The following SLCO3A1 variants were observed in gnomAD, a reference collection of about 807,000 sequenced individuals.
SLCO3A1 encodes PGE1 transporter.
Under a neutral mutation model 63.1 loss-of-function variants are expected in SLCO3A1, and 27 were observed. The observed-to-expected ratio is 0.43, with a 90% CI of 0.32 to 0.59. The LOEUF is 0.59. SLCO3A1 is among the 20% of genes least tolerant of loss of function. SLCO3A1 has a pLI of 0.09. For synonymous variants in SLCO3A1, 473 were observed against 409.9 expected (o/e 1.15, Z -1.86); for missense variants, 773 against 945.8 (o/e 0.82, Z 2.40).
intron 2 of SLCO3A1, among the ~76,000 whole-genome samples, chr15:92,001,597 C>T (rs568024097): frequency 1.3e-5 from 2 of 152,128 alleles, no homozygotes; most frequent in African/African-American, 4.8e-5. Flanking sequence ...GTCTCACATG[C>T]CCCCCCACCC....
Position 91,978,971 on chromosome 15 carries a change from A to G in SLCO3A1, c.646+62513A>G, listed in dbSNP as rs571195466. Among the ~76,000 whole-genome samples the G allele has an allele frequency of 3.9e-5, 6 of 152,354 alleles. No individual in the cohort carries two copies. The South Asian group carries it at 1.2e-3, about 32-fold the overall frequency. The stretch of plus-strand genomic sequence containing the variant: ...ACCCTATTTTGGCCTGTGTTCTGGC[A>G]CTGATTGATTACTAAAATTGGTTTG... On this transcript the variant is annotated intron_variant, in intron 2 of 9. Coordinates refer to ENST00000318445, the MANE Select transcript of SLCO3A1 (RefSeq NM_013272.4).
chr15:92,079,717 G>A (rs2047320042), intron 2 of SLCO3A1, among the ~76,000 whole-genome samples: 1 of 152,256 alleles, frequency 6.6e-6, no homozygotes, highest in Non-Finnish European at 1.5e-5. Context: ...TGACTGCCCT[G>A]TTTTCCAGAT....
intron 3 of SLCO3A1, among the ~76,000 whole-genome samples, chr15:92,095,429 G>C (rs1010259124): frequency 2.0e-5 from 3 of 152,214 alleles, no homozygotes; most frequent in Non-Finnish European, 2.9e-5. Flanking sequence ...TACAAACGGG[G>C]TCAATGAGAC....
At chr15:92,008,889 C>T (rs1218003582) in intron 2 of SLCO3A1, among the ~76,000 whole-genome samples, 2 of 152,108 alleles carry the variant, frequency 1.3e-5, no homozygotes, top group Admixed American at 1.3e-4. Flanking sequence ...CAGATCAACG[C>T]CCTGTCTACC....
intron 8 of SLCO3A1, among the ~76,000 whole-genome samples, chr15:92,148,090 C>T (rs927020130): frequency 6.6e-6 from 1 of 152,210 alleles, no homozygotes; most frequent in African/African-American, 2.4e-5. Context: ...TGCTTGTAAT[C>T]CCAGCCACTT....
chr15:92,133,925 C>T (rs991584706), intron 7 of SLCO3A1, among the ~76,000 whole-genome samples: 7 of 152,180 alleles, frequency 4.6e-5, no homozygotes, highest in Non-Finnish European at 8.8e-5. Context: ...AGGTTGGGGA[C>T]CTCTGCCATA....
chr15:92,125,861 T>G (rs1283218992), intron 5 of SLCO3A1, among the ~76,000 whole-genome samples, 200 bp from the exon 6 acceptor site: 2 of 151,998 alleles, frequency 1.3e-5, no homozygotes, highest in East Asian at 2.0e-4. Context: ...GCTTTATGTC[T>G]GTCTCCCCCA....
At chr15:91,905,517 TA>T (rs1217832340) in intron 1 of SLCO3A1, among the ~76,000 whole-genome samples, 9 of 151,346 alleles carry the variant, frequency 5.9e-5, no homozygotes, top group African/African-American at 2.2e-4. Flanking sequence ...GCTGTGTTGT[TA>T]TTTTTTTTAT....
intron 2 of SLCO3A1, among the ~76,000 whole-genome samples, chr15:92,067,489 T>C (rs541777558): frequency 6.6e-6 from 1 of 152,350 alleles, no homozygotes; most frequent in African/African-American, 2.4e-5. Context: ...CTTTGTCTAC[T>C]CGTCTTCCTC....
Position 91,942,001 on chromosome 15 carries a change from G to C in SLCO3A1, c.646+25543G>C, listed in dbSNP as rs1899639658. 6.6e-6 allele frequency among the ~76,000 whole-genome samples: 1 copy of C among 152,192 alleles called. No homozygotes were observed. The highest frequency in any genetic ancestry group is 2.4e-5 in the African/African-American group (1 of 41,430). ...TCTTACCCATCCACGACAAAAATGA[G>C]AGAACAGTACAAGGTGGAGAGTTTG... On this transcript the variant is annotated intron_variant, in intron 2 of 9. Coordinates refer to ENST00000318445, the MANE Select transcript of SLCO3A1 (RefSeq NM_013272.4). The surrounding 1 kb of genome is among the most constrained non-coding windows in gnomAD (Gnocchi z 4.1).
chr15:92,123,386 G>A (rs1436691671), intron 5 of SLCO3A1, among the ~76,000 whole-genome samples: 1 of 152,090 alleles, frequency 6.6e-6, no homozygotes, highest in African/African-American at 2.4e-5. Flanking sequence ...CAGCCTGGGG[G>A]ACAAGAGTGA....
intron 2 of SLCO3A1, among the ~76,000 whole-genome samples, chr15:92,062,999 G>A (rs186027054): frequency 6.6e-6 from 1 of 152,324 alleles, no homozygotes; most frequent in Admixed American, 6.5e-5. Flanking sequence ...AAAACCTTGG[G>A]ACAGAAAACA....
intron 2 of SLCO3A1, among the ~76,000 whole-genome samples, chr15:91,991,794 G>A (rs1018138088): frequency 1.3e-5 from 2 of 152,286 alleles, no homozygotes; most frequent in East Asian, 1.9e-4. Context: ...GCTGTCCCGC[G>A]CAGCCCAGCT....
At chr15:92,152,203 T>G (rs1267551737) in intron 9 of SLCO3A1, among the ~76,000 whole-genome samples, 1 of 152,278 alleles carries the variant, frequency 6.6e-6, no homozygotes, top group Non-Finnish European at 1.5e-5. Flanking sequence ...AGATTAGTTT[T>G]TATATACCGA....
At chr15:91,988,264 G>C (rs1373721079) in intron 2 of SLCO3A1, among the ~76,000 whole-genome samples, 2 of 151,876 alleles carry the variant, frequency 1.3e-5, no homozygotes, top group Admixed American at 6.6e-5. Flanking sequence ...GGGCATGGTG[G>C]GGGGAGGAGG....
At chr15:91,874,115 A>G (rs1897342581) in intron 1 of SLCO3A1, among the ~76,000 whole-genome samples, 1 of 152,138 alleles carries the variant, frequency 6.6e-6, no homozygotes, top group Admixed American at 6.5e-5. Context: ...ACCTATGATA[A>G]AGTTTAATTT....
chr15:92,164,364 G>GAATC lies in SLCO3A1; in HGVS notation c.*1231_*1234dup. ...GTGTATATGCAGCCTGCCTTTAAAA[G>GAATC]AATCACATTTGAGACAACAGGGGAT... On this transcript the variant is annotated 3_prime_UTR_variant, in exon 10 of 10. Coordinates refer to ENST00000318445, the MANE Select transcript of SLCO3A1 (RefSeq NM_013272.4). 4 of 985,332 alleles carry GAATC rather than the reference G, an allele frequency of 4.1e-6. No individual in the cohort carries two copies. The highest frequency in any genetic ancestry group is 9.4e-5 in the South Asian group (2 of 21,286). The allele number at this position is 985,332 out of a possible 1,614,324, so 61.0% of individuals were successfully genotyped here. A position where few individuals can be genotyped will look rare whatever the true frequency, so the allele number is the denominator to read the frequency against.
chr15:92,078,005 G>A (rs377668590), intron 2 of SLCO3A1, among the ~76,000 whole-genome samples: 36 of 152,098 alleles, frequency 2.4e-4, no homozygotes, highest in African/African-American at 7.7e-4. Context: ...CCTGCCTCTC[G>A]GGGTTGTGAG....
At chr15:92,063,536 G>T (rs1292776605) in intron 2 of SLCO3A1, among the ~76,000 whole-genome samples, 1 of 152,222 alleles carries the variant, frequency 6.6e-6, no homozygotes, top group East Asian at 1.9e-4. Context: ...TCCACCTGCA[G>T]TTGGTTGCTT....
Sources: allele counts gnomAD v4.1 joint callset (sites outside exome capture counted in the v4.1 genomes callset), GRCh38; gene constraint gnomAD v4.1.1; non-coding constraint Gnocchi (gnomAD v3.1); transcripts MANE v1.5; gene names NCBI Gene and HGNC (gene_info 2026-07-23, HGNC 2026-07-21).